Variants in CSTF3 observed in about 807,000 individuals in gnomAD.
The protein encoded by CSTF3 is CF-1 77 kDa subunit.
Under a neutral mutation model 105.8 loss-of-function variants are expected in CSTF3, and 29 were observed. That is an observed-to-expected ratio of 0.27 (90% CI 0.20 to 0.37). The LOEUF (loss-of-function observed/expected upper bound fraction) is 0.37, where lower values mean the gene tolerates loss of function less well. Ranked by LOEUF, CSTF3 falls within the 10% of genes least tolerant of loss-of-function variation. The pLI, the probability that CSTF3 is intolerant of heterozygous loss-of-function variation, is 1.00. For missense variants in CSTF3, 357 were observed against 879.3 expected, an observed-to-expected ratio of 0.41 and a Z score of 7.51; for synonymous variants, 252 against 281.9, an observed-to-expected ratio of 0.89 and a Z score of 1.06.
intron 3 of CSTF3, among the ~76,000 whole-genome samples, chr11:33,113,281 C>T (rs931642114): frequency 6.6e-6 from 1 of 151,930 alleles, no homozygotes; most frequent in Non-Finnish European, 1.5e-5. Context: ...AATAATTTTG[C>T]AAAACTTACT....
At chr11:33,141,334 G>C (rs1855708534) in intron 3 of CSTF3, 1 of 515,074 alleles carries the variant, frequency 1.9e-6, no homozygotes, top group Non-Finnish European at 2.7e-6. Flanking sequence ...ATATTAGTTT[G>C]TAAGTAGGAA....
In CSTF3 at chr11:33,099,199, TGA is replaced by T. The variant is rs1304464845; in HGVS notation, c.937-51_937-50del. On this transcript the variant is annotated intron_variant, in intron 11 of 20. Coordinates refer to ENST00000323959, the MANE Select transcript of CSTF3 (RefSeq NM_001326.3). The surrounding 1 kb of genome is among the most constrained non-coding windows in gnomAD (Gnocchi z 4.1). ...ATCTTCAATAATTTTAATATAGTTG[TGA>T]GAGAATAAAATTAATAAAGTTACAT... is the stretch of plus-strand genomic sequence containing the variant. 2 of 1,551,246 alleles carry T rather than the reference TGA, an allele frequency of 1.3e-6. No individual in the cohort carries two copies. The highest frequency in any genetic ancestry group is 1.7e-6 in the Non-Finnish European group (2 of 1,157,138).
chr11:33,111,383 G>A (rs1855377863), intron 3 of CSTF3, among the ~76,000 whole-genome samples: 1 of 152,166 alleles, frequency 6.6e-6, no homozygotes, highest in African/African-American at 2.4e-5. Flanking sequence ...GGAATATTAT[G>A]TATTCAGCTT....
intron 3 of CSTF3, among the ~76,000 whole-genome samples, chr11:33,117,550 A>G (rs910916768): frequency 3.3e-5 from 5 of 151,940 alleles, no homozygotes; most frequent in Non-Finnish European, 7.4e-5. Flanking sequence ...CACTCAGGTA[A>G]AGTACTATTC....
rs939908472 is a variant in CSTF3, at chr11:33,141,522, T to C, written c.225+145A>G. ...CCAAATTTCAAAAATTCATTTTAAT[T>C]ACTCCTTTATACCTATTTTACAAAA... On this transcript the variant is annotated intron_variant, in intron 3 of 20. Coordinates refer to ENST00000323959, the MANE Select transcript of CSTF3 (RefSeq NM_001326.3). 3 of 1,321,444 alleles carry C rather than the reference T, an allele frequency of 2.3e-6. No individual in the cohort carries two copies. In the African/African-American group the frequency reaches 4.6e-5, roughly 20 times the overall value. The allele number at this position is 1,321,444 out of a possible 1,614,324, so 81.9% of individuals were successfully genotyped here. A position where few individuals can be genotyped will look rare whatever the true frequency, so the allele number is the denominator to read the frequency against.
chr11:33,092,043 T>C (rs1565001951), intron 16 of CSTF3, among the ~76,000 whole-genome samples: 1 of 152,172 alleles, frequency 6.6e-6, no homozygotes, highest in African/African-American at 2.4e-5. Context: ...AGAAAGATGA[T>C]AATAAATTGC....
intron 9 of CSTF3, 86 bp downstream of exon 9, chr11:33,103,021 A>G: frequency 1.2e-6 from 1 of 853,038 alleles, no homozygotes; most frequent in Middle Eastern, 2.3e-4. Context: ...GACTGAAAAT[A>G]TCAAGAGTAA....
chr11:33,154,074 G>A (rs1490471456), intron 1 of CSTF3, among the ~76,000 whole-genome samples: 1 of 152,064 alleles, frequency 6.6e-6, no homozygotes, highest in African/African-American at 2.4e-5. Flanking sequence ...TATTTATCAA[G>A]AATATATTTT....
At chr11:33,104,092 G>A (rs1389846358) in intron 8 of CSTF3, among the ~76,000 whole-genome samples, 1 of 152,178 alleles carries the variant, frequency 6.6e-6, no homozygotes, top group African/African-American at 2.4e-5. Flanking sequence ...CTCCCAAAGT[G>A]CTGGGATTAC....
chr11:33,105,885 G>T lies in CSTF3; in HGVS notation c.456C>A (p.Gly152=). The T allele has an allele frequency of 6.4e-7, 1 of 1,560,980 alleles. No individual in the cohort carries two copies. The highest frequency in any genetic ancestry group is 8.7e-7 in the Non-Finnish European group (1 of 1,151,810). Residue 152 remains glycine, a splice_region_variant and synonymous_variant, in exon 7 of 21, where the codon GGC becomes GGA. Transcript: ENST00000323959. ...AAAAAAACTATACAAATACTTACAC[G>T]CCTTTTAGGAAATTGATGTAATCCA... ...IWVDYINFLK[G]VEAVGSYAEN...
At chr11:33,149,301 A>C (rs1371892877) in intron 1 of CSTF3, among the ~76,000 whole-genome samples, 1 of 152,212 alleles carries the variant, frequency 6.6e-6, no homozygotes, top group Non-Finnish European at 1.5e-5. Flanking sequence ...CACAATCTAT[A>C]CATGTAATTC....
At chr11:33,113,493 G>A (rs1565008424) in intron 3 of CSTF3, among the ~76,000 whole-genome samples, 1 of 151,576 alleles carries the variant, frequency 6.6e-6, no homozygotes, top group Non-Finnish European at 1.5e-5. Flanking sequence ...TTTCAGCCTG[G>A]GTGACACAGC....
chr11:33,148,599 G>C (rs1855814235), intron 1 of CSTF3, among the ~76,000 whole-genome samples: 1 of 151,600 alleles, frequency 6.6e-6, no homozygotes, highest in African/African-American at 2.4e-5. Context: ...AGGAGGCTGA[G>C]GTGGGAGAAA....
intron 3 of CSTF3, among the ~76,000 whole-genome samples, chr11:33,125,176 C>G (rs546611131): frequency 6.6e-6 from 1 of 152,228 alleles, no homozygotes; most frequent in Non-Finnish European, 1.5e-5. Flanking sequence ...CTCAGATATC[C>G]CTTTCATATT....
At chr11:33,109,338 T>TA (rs1057270335) in intron 3 of CSTF3, among the ~76,000 whole-genome samples, 2 of 152,310 alleles carry the variant, frequency 1.3e-5, no homozygotes, top group South Asian at 4.1e-4. Context: ...AGTACAGTAA[T>TA]AGAGTAGTAT....
In CSTF3 at chr11:33,109,212, TCA is replaced by T. The variant is rs1383659869; in HGVS notation, c.226-796_226-795del. Among the ~76,000 whole-genome samples, 8 of 152,360 alleles carry T rather than the reference TCA, an allele frequency of 5.3e-5. 1 individual carries two copies. The East Asian group carries it at 1.5e-3, about 29-fold the overall frequency. On this transcript the variant is annotated intron_variant, in intron 3 of 20. Transcript: ENST00000323959. ...TTTCTCTTTTCTTTGAGTATTTTCA[TCA>T]CAGAGTGGGTGGGGTTAGGTGCTCA...
rs1472517744 is a variant in CSTF3, at chr11:33,161,431, C to G, written c.-106G>C. On this transcript the variant is annotated 5_prime_UTR_variant, in exon 1 of 21. Transcript: ENST00000323959. The stretch of plus-strand genomic sequence containing the variant: ...ATCAGTAAAGTTACCCCCTGCCCAG[C>G]TGAGCCAGACCGCCAACACCAATCG... 1 of 1,230,120 alleles carries G rather than the reference C, an allele frequency of 8.1e-7. No individual in the cohort carries two copies. Among genetic ancestry groups the G allele is most frequent in the Non-Finnish European group, 1.2e-6 (1 of 852,514 alleles). The allele number at this position is 1,230,120 out of a possible 1,614,324, so 76.2% of individuals were successfully genotyped here.
At chr11:33,139,773 C>T (rs2133797789) in intron 3 of CSTF3, among the ~76,000 whole-genome samples, 1 of 151,982 alleles carries the variant, frequency 6.6e-6, no homozygotes, top group East Asian at 1.9e-4. Context: ...TGTGAAGTAA[C>T]TGCAAATATT....
At chr11:33,118,743 G>A (rs1009237771) in intron 3 of CSTF3, among the ~76,000 whole-genome samples, 25 of 102,562 alleles carry the variant, frequency 2.4e-4, no homozygotes, top group Non-Finnish European at 6.1e-4. Flanking sequence ...ATAAACCTCT[G>A]ATCTAAAAAA....
Sources: gnomAD v4.1 joint callset for allele counts (sites outside exome capture counted in the v4.1 genomes callset) on GRCh38, gnomAD v4.1.1 for gene constraint, Gnocchi (gnomAD v3.1) non-coding constraint, MANE v1.5 for transcripts, NCBI Gene and HGNC (gene_info 2026-07-23, HGNC 2026-07-21) for gene names.